Variants in SCLT1 observed in about 807,000 individuals in gnomAD.
SCLT1 encodes the protein sodium channel and clathrin linker 1.
Under a neutral mutation model 112.8 loss-of-function variants are expected in SCLT1, and 78 were observed. That is an observed-to-expected ratio of 0.69 (90% CI 0.58 to 0.83). The LOEUF (loss-of-function observed/expected upper bound fraction) is 0.83, where lower values mean the gene tolerates loss of function less well. SCLT1 is among the 40% of genes least tolerant of loss of function. The pLI is 0.00. For synonymous variants in SCLT1, 257 were observed against 254.7 expected, an observed-to-expected ratio of 1.01 and a Z score of -0.09; for missense variants, 747 against 770.4, an observed-to-expected ratio of 0.97 and a Z score of 0.36.
chr4:128,978,493 TA>T (rs1283077051), intron 9 of SCLT1, among the ~76,000 whole-genome samples: 3 of 151,914 alleles, frequency 2.0e-5, no homozygotes, highest in Non-Finnish European at 4.4e-5. Context: ...AATCATGGCA[TA>T]AACACAAAAG....
In SCLT1 at chr4:128,970,609, T is replaced by C; in HGVS notation, c.687-141A>G. The stretch of plus-strand genomic sequence containing the variant: ...ATCCATGGAATAAATTTTGGAAGAT[T>C]CCTTTATTACTAATGAAGTGCATGT... On this transcript the variant is annotated intron_variant, in intron 9 of 20. Coordinates refer to ENST00000281142, the MANE Select transcript of SCLT1 (RefSeq NM_144643.4). 6.6e-6 allele frequency: 4 copies of C among 605,990 alleles called. No individual in the cohort carries two copies. The South Asian group carries it at 8.1e-5, about 12-fold the overall frequency. 37.5% of individuals were successfully genotyped at this position (605,990 alleles called of 1,614,324 possible). A position where few individuals can be genotyped will look rare whatever the true frequency, so the allele number is the denominator to read the frequency against.
chr4:128,968,858 A>C (rs1336167709), intron 10 of SCLT1, among the ~76,000 whole-genome samples: 1 of 152,232 alleles, frequency 6.6e-6, no homozygotes, highest in Non-Finnish European at 1.5e-5. Flanking sequence ...CTGTGCCTAC[A>C]TAATTTGAAG....
At chr4:129,079,926 A>G (rs1751793991) in intron 2 of SCLT1, among the ~76,000 whole-genome samples, 1 of 152,206 alleles carries the variant, frequency 6.6e-6, no homozygotes, top group African/African-American at 2.4e-5. Context: ...GCTTAATACC[A>G]TGTGGAAGCT....
intron 5 of SCLT1, among the ~76,000 whole-genome samples, chr4:129,011,041 T>C (rs773093970): frequency 6.6e-6 from 1 of 152,216 alleles, no homozygotes; most frequent in Non-Finnish European, 1.5e-5. Context: ...TTCCATATGA[T>C]GCTGGCTGTG....
chr4:128,878,370 T>C (rs567628576), intron 3 of SCLT1, among the ~76,000 whole-genome samples: 116 of 152,330 alleles, frequency 7.6e-4, no homozygotes, highest in Non-Finnish European at 1.4e-3. Context: ...TGATTGATAG[T>C]TCTAACTTCA....
chr4:129,086,700 C>T (rs944218750), intron 1 of SCLT1, among the ~76,000 whole-genome samples: 7 of 151,882 alleles, frequency 4.6e-5, no homozygotes, highest in African/African-American at 7.3e-5. Flanking sequence ...TACTGACAAG[C>T]GCAGAAGGAC....
chr4:128,942,906 G>C, intron 17 of SCLT1, 90 bp downstream of exon 17: 1 of 864,170 alleles, frequency 1.2e-6, no homozygotes, highest in Non-Finnish European at 1.8e-6. Flanking sequence ...AAAAAAAAGG[G>C]GGCCTTAAAG....
rs144975072 is a variant in SCLT1, at chr4:129,047,777, G to A, written c.103-3726C>T. On this transcript the variant is annotated intron_variant, in intron 2 of 20. Transcript: ENST00000281142. ...TTTTTCATATACTTCTTGGCCAGTT[G>A]TATGTCTTCTTTTAGAGATGTCTAT... 1.6e-3 allele frequency among the ~76,000 whole-genome samples: 249 copies of A among 152,108 alleles called. 2 individuals carry two copies. Among genetic ancestry groups the A allele is most frequent in the East Asian group, 0.014 (71 of 5,170 alleles).
intron 18 of SCLT1, among the ~76,000 whole-genome samples, chr4:128,928,494 C>T (rs1339190010): frequency 1.3e-5 from 2 of 152,110 alleles, no homozygotes; most frequent in Admixed American, 1.3e-4. Context: ...TAACAGATTA[C>T]ATAGAACAAA....
chr4:129,008,261 T>G (rs1363342688), intron 5 of SCLT1, among the ~76,000 whole-genome samples: 1 of 152,210 alleles, frequency 6.6e-6, no homozygotes, highest in Non-Finnish European at 1.5e-5. Context: ...TGTACTTATT[T>G]AACCCTCCTT....
chr4:129,016,978 T>C (rs986375213), intron 5 of SCLT1, among the ~76,000 whole-genome samples: 1 of 152,352 alleles, frequency 6.6e-6, no homozygotes, highest in Admixed American at 6.5e-5. Flanking sequence ...TCAATTTTAC[T>C]TTTCTATTAG....
chr4:129,025,036 A>C (rs1176523213), intron 5 of SCLT1, among the ~76,000 whole-genome samples: 3 of 152,232 alleles, frequency 2.0e-5, no homozygotes, highest in Non-Finnish European at 4.4e-5. Context: ...CCTCCAAGAA[A>C]TATGGGACTA....
At chr4:129,061,223 T>C (rs1749937619) in intron 2 of SCLT1, among the ~76,000 whole-genome samples, 1 of 152,114 alleles carries the variant, frequency 6.6e-6, no homozygotes. Context: ...TGAGGGCAGA[T>C]GCGCGGCAGC....
chr4:128,996,006 T>C (rs576992287), intron 8 of SCLT1, among the ~76,000 whole-genome samples: 1 of 152,102 alleles, frequency 6.6e-6, no homozygotes, highest in Non-Finnish European at 1.5e-5. Flanking sequence ...ACTGGCAAGA[T>C]AGAGGCCAGT....
intron 9 of SCLT1, among the ~76,000 whole-genome samples, chr4:128,986,182 A>G (rs1394741322): frequency 6.6e-6 from 1 of 152,078 alleles, no homozygotes; most frequent in Non-Finnish European, 1.5e-5. Flanking sequence ...AGGGAGAGTG[A>G]AGTAAGTGTT....
intron 18 of SCLT1, among the ~76,000 whole-genome samples, chr4:128,916,881 G>A (rs918416931): frequency 4.6e-5 from 7 of 152,128 alleles, no homozygotes; most frequent in African/African-American, 1.7e-4. Flanking sequence ...CTGGCAAAGA[G>A]GCTGGTCAGT....
chr4:129,028,052 C>G (rs963422054), intron 5 of SCLT1, among the ~76,000 whole-genome samples: 1 of 152,170 alleles, frequency 6.6e-6, no homozygotes, highest in Admixed American at 6.5e-5. Context: ...GAAGAACATT[C>G]CATGCTCATG....
chr4:129,019,657 A>G (rs978423986), intron 5 of SCLT1, among the ~76,000 whole-genome samples: 2 of 151,030 alleles, frequency 1.3e-5, no homozygotes, highest in Non-Finnish European at 3.0e-5. Context: ...GTATTTTTTT[A>G]TATAAATGAA....
intron 5 of SCLT1, chr4:128,873,951 G>A (rs1157745752): frequency 2.0e-5 from 3 of 152,688 alleles, no homozygotes; most frequent in East Asian, 3.9e-4. Flanking sequence ...TTGTATGTAC[G>A]ACATTTTCAA....
Sources: gnomAD v4.1 joint callset for allele counts (sites outside exome capture counted in the v4.1 genomes callset) on GRCh38, gnomAD v4.1.1 for gene constraint, MANE v1.5 for transcripts, NCBI Gene and HGNC (gene_info 2026-07-23, HGNC 2026-07-21) for gene names.